LMNTD1: variants seen among roughly 807,000 people sequenced by gnomAD.
LMNTD1 encodes lamin tail domain-containing protein 1.
A neutral mutation model predicts 50.9 loss-of-function variants in LMNTD1; 35 were observed. That is an observed-to-expected ratio of 0.69 (90% CI 0.53 to 0.91). The LOEUF (loss-of-function observed/expected upper bound fraction) is 0.91. LMNTD1 is among the 40% of genes least tolerant of loss of function. The probability of loss-of-function intolerance (pLI) is 0.00; values close to 1 mark genes in which losing one functional copy is unlikely to be tolerated. For synonymous variants in LMNTD1, 153 were observed against 161.9 expected (o/e 0.94, Z 0.42); for missense variants, 470 against 475.5 (o/e 0.99, Z 0.11).
At chr12:25,620,181 A>G (rs1205443586) in intron 1 of LMNTD1, among the ~76,000 whole-genome samples, 5 of 152,194 alleles carry the variant, frequency 3.3e-5, no homozygotes, top group Non-Finnish European at 7.3e-5. Context: ...GTTTTCCCAC[A>G]AGTGATTGCG....
chr12:25,534,956 T>C (rs1045348185), intron 4 of LMNTD1, among the ~76,000 whole-genome samples: 4 of 152,038 alleles, frequency 2.6e-5, no homozygotes, highest in Non-Finnish European at 5.9e-5. Context: ...ACAAAAATAT[T>C]CTAGCCCCCA....
At position 25,503,748 on chromosome 12, in the gene LMNTD1, T is replaced by C. The variant is rs1328927764; in HGVS notation, c.*12A>G. 1 of 1,567,430 alleles carries C rather than the reference T, an allele frequency of 6.4e-7. No homozygotes were observed. The highest frequency in any genetic ancestry group is 1.1e-5 in the South Asian group (1 of 87,114). On this transcript the variant is annotated 3_prime_UTR_variant, in exon 9 of 10. Coordinates refer to ENST00000458174, the MANE Select transcript of LMNTD1 (RefSeq NM_001145728.2). ...AATACAGTTACTTACCTTTAAAGGT[T>C]GAGTTGACTGCTTATTGCTTTTGTG...
chr12:25,627,327 G>T (rs1464031842), intron 1 of LMNTD1, among the ~76,000 whole-genome samples: 1 of 152,068 alleles, frequency 6.6e-6, no homozygotes, highest in Non-Finnish European at 1.5e-5. Context: ...CAGTGAAATA[G>T]CTTTGAAAAA....
intron 1 of LMNTD1, among the ~76,000 whole-genome samples, chr12:25,646,358 C>T (rs962507636): frequency 2.6e-5 from 4 of 152,140 alleles, no homozygotes; most frequent in Non-Finnish European, 4.4e-5. Flanking sequence ...TGGCCCTCAT[C>T]TGCCCCCGAT....
chr12:25,517,914 T>C (rs937546315), intron 8 of LMNTD1, among the ~76,000 whole-genome samples: 10 of 152,226 alleles, frequency 6.6e-5, no homozygotes, highest in African/African-American at 2.2e-4. Flanking sequence ...TCTTGTGATT[T>C]CGTGGTGTCT....
At chr12:25,499,999 G>A (rs904353420) in intron 9 of LMNTD1, 1 of 152,076 alleles carries the variant, frequency 6.6e-6, no homozygotes, top group Admixed American at 6.5e-5. Context: ...AGGTAAAGCT[G>A]GGAAAACAAG....
At chr12:25,486,307 T>G (rs1249438379) in intron 9 of LMNTD1, among the ~76,000 whole-genome samples, 2 of 150,612 alleles carry the variant, frequency 1.3e-5, no homozygotes, top group South Asian at 4.3e-4. Flanking sequence ...GCTCTCTGTT[T>G]GTCTGTTGTT....
At chr12:25,522,118 T>C (rs1238797155) in intron 6 of LMNTD1, among the ~76,000 whole-genome samples, 1 of 152,180 alleles carries the variant, frequency 6.6e-6, no homozygotes, top group Non-Finnish European at 1.5e-5. Flanking sequence ...ACAAGGTCAG[T>C]TCAGCTAGGC....
chr12:25,545,781 C>A (rs1442707945), intron 4 of LMNTD1, among the ~76,000 whole-genome samples: 1 of 151,530 alleles, frequency 6.6e-6, no homozygotes, highest in Non-Finnish European at 1.5e-5. Flanking sequence ...TCATATCTGA[C>A]CCTCAACTCT....
intron 1 of LMNTD1, among the ~76,000 whole-genome samples, chr12:25,563,418 G>A (rs1416247786): frequency 6.6e-6 from 1 of 152,192 alleles, no homozygotes; most frequent in Non-Finnish European, 1.5e-5. Flanking sequence ...CACTCCAAAC[G>A]CTGTTTGCCT....
At chr12:25,479,713 G>C (rs1938382255) in intron 9 of LMNTD1, among the ~76,000 whole-genome samples, 1 of 152,198 alleles carries the variant, frequency 6.6e-6, no homozygotes, top group South Asian at 2.1e-4. Context: ...AGTGTTATGT[G>C]CAGGATAGGC....
intron 1 of LMNTD1, among the ~76,000 whole-genome samples, chr12:25,618,502 G>T (rs1946394971): frequency 6.6e-6 from 1 of 152,114 alleles, no homozygotes; most frequent in African/African-American, 2.4e-5. Context: ...AATGTAGATT[G>T]CTCTTTAGGT....
intron 1 of LMNTD1, among the ~76,000 whole-genome samples, chr12:25,644,535 CAACA>C (rs1947024782): frequency 6.6e-6 from 1 of 151,900 alleles, no homozygotes; most frequent in South Asian, 2.1e-4. Context: ...CACACAGAAA[CAACA>C]ACCACCAAAA....
chr12:25,531,849 T>A (rs937713579), intron 4 of LMNTD1, among the ~76,000 whole-genome samples: 3 of 152,232 alleles, frequency 2.0e-5, no homozygotes, highest in Admixed American at 2.0e-4. Flanking sequence ...AGTCTAGATA[T>A]TTACTTCTGA....
intron 1 of LMNTD1, among the ~76,000 whole-genome samples, chr12:25,567,001 A>G (rs535511442): frequency 5.5e-4 from 84 of 152,216 alleles, no homozygotes; most frequent in Admixed American, 1.4e-3. Flanking sequence ...GGTTCCAGTT[A>G]TGTCTTTTGT....
At chr12:25,477,988 AG>A (rs1938326605) in intron 9 of LMNTD1, among the ~76,000 whole-genome samples, 2 of 152,106 alleles carry the variant, frequency 1.3e-5, no homozygotes, top group Non-Finnish European at 2.9e-5. Flanking sequence ...ATAAAGATGT[AG>A]GCTGGAAGGC....
intron 1 of LMNTD1, among the ~76,000 whole-genome samples, chr12:25,597,218 T>C (rs1435893565): frequency 6.6e-6 from 1 of 151,890 alleles, no homozygotes; most frequent in Admixed American, 6.6e-5. Context: ...TGAATGTAAA[T>C]GGACTAAACT....
At chr12:25,561,030 C>G (rs1188525691) in intron 1 of LMNTD1, among the ~76,000 whole-genome samples, 1 of 151,728 alleles carries the variant, frequency 6.6e-6, no homozygotes, top group Non-Finnish European at 1.5e-5. Flanking sequence ...TTTTTTCTTT[C>G]TCTTGCCCGA....
At chr12:25,555,968 T>A (rs1171962069), upstream of LMNTD1, among the ~76,000 whole-genome samples, 5 of 28,896 alleles carry the variant, frequency 1.7e-4, no homozygotes, top group Admixed American at 4.7e-4. Flanking sequence ...CAATAATCTT[T>A]TTTTTTTTTT....
Sources: gnomAD v4.1 joint callset for allele counts (sites outside exome capture counted in the v4.1 genomes callset) on GRCh38, gnomAD v4.1.1 for gene constraint, MANE v1.5 for transcripts, NCBI Gene and HGNC (gene_info 2026-07-23, HGNC 2026-07-21) for gene names.